The following PDE3A variants were observed in gnomAD, a reference collection of about 807,000 sequenced individuals.
PDE3A encodes cGMP-inhibited 3',5'-cyclic phosphodiesterase 3A.
In PDE3A, 43 loss-of-function variants were observed where a neutral mutation model predicts 98.3. The ratio of observed to expected loss-of-function variants is 0.44; its 90% CI spans 0.34 to 0.56. The LOEUF (loss-of-function observed/expected upper bound fraction) is 0.56, where lower values mean the gene tolerates loss of function less well. Ranked by LOEUF, PDE3A falls within the 20% of genes least tolerant of loss-of-function variation. The pLI, the probability that PDE3A is intolerant of heterozygous loss-of-function variation, is 0.01. For synonymous variants in PDE3A, 663 were observed against 567.9 expected, an observed-to-expected ratio of 1.17 and a Z score of -2.38; for missense variants, 1,427 against 1,440.7, an observed-to-expected ratio of 0.99 and a Z score of 0.15.
rs76401263 is a variant in PDE3A at position 20,511,266 on chromosome 12, T to C, written c.961-45394T>C. Among the ~76,000 whole-genome samples the C allele has an allele frequency of 6.5e-3, 994 of 152,230 alleles. 29 individuals carry two copies. The East Asian group carries it at 0.089, about 14-fold the overall frequency. On this transcript the variant is annotated intron_variant, in intron 1 of 15. Coordinates refer to ENST00000359062, the MANE Select transcript of PDE3A (RefSeq NM_000921.5). ...TGCTACACTCCAGCAGCAAGGATCA[T>C]ACCCAGCACTGAGATCGTGATTTCT...
rs1032425947 is a variant in PDE3A at position 20,673,093 on chromosome 12, G to A, written c.3185-6937G>A. Among the ~76,000 whole-genome samples, 5 of 151,470 alleles carry A rather than the reference G, an allele frequency of 3.3e-5. No individual in the cohort carries two copies. In the East Asian group the frequency reaches 9.7e-4, roughly 29 times the overall value. ...ACATTTATGCAGCCAAAAAACACAT[G>A]AAAAAATGCTCATCATCACTGGCCA... On this transcript the variant is annotated intron_variant, in intron 15 of 15. Transcript: ENST00000359062.
intron 15 of PDE3A, among the ~76,000 whole-genome samples, chr12:20,673,385 A>G (rs1318395338): frequency 1.4e-5 from 2 of 146,580 alleles, no homozygotes; most frequent in African/African-American, 5.1e-5. Flanking sequence ...ATGCTGCTAT[A>G]AAGACACATG....
At chr12:20,525,413 T>G (rs1455152879) in intron 1 of PDE3A, among the ~76,000 whole-genome samples, 6 of 149,058 alleles carry the variant, frequency 4.0e-5, no homozygotes, top group Non-Finnish European at 8.9e-5. Flanking sequence ...TTAAGAATAA[T>G]AATGTTGTTG....
chr12:20,664,908 C>T (rs531288025), intron 15 of PDE3A, among the ~76,000 whole-genome samples: 1 of 152,298 alleles, frequency 6.6e-6, no homozygotes, highest in African/African-American at 2.4e-5. Flanking sequence ...CCAACATACT[C>T]AACTGCTCAG....
intron 1 of PDE3A, among the ~76,000 whole-genome samples, chr12:20,494,113 T>G (rs1945876126): frequency 6.6e-6 from 1 of 152,194 alleles, no homozygotes; most frequent in Admixed American, 6.5e-5. Context: ...GTGAGTTTTG[T>G]GTATTTTGAG....
At chr12:20,421,915 G>T (rs982730285) in intron 1 of PDE3A, among the ~76,000 whole-genome samples, 10 of 152,198 alleles carry the variant, frequency 6.6e-5, no homozygotes, top group African/African-American at 1.9e-4. Context: ...AGGCTGTGTT[G>T]TAACTGTGTT....
At chr12:20,580,902 A>C (rs965809250) in intron 2 of PDE3A, among the ~76,000 whole-genome samples, 1 of 152,190 alleles carries the variant, frequency 6.6e-6, no homozygotes, top group Non-Finnish European at 1.5e-5. Flanking sequence ...CATTTTCAAA[A>C]CTACTGTAGC....
chr12:20,538,847 C>T (rs1293666578), intron 1 of PDE3A, among the ~76,000 whole-genome samples: 2 of 152,022 alleles, frequency 1.3e-5, no homozygotes, highest in Admixed American at 6.6e-5. Flanking sequence ...GATCCCACTA[C>T]ATTGTCCGGG....
chr12:20,569,796 A>G lies in PDE3A; in HGVS notation c.1011+13086A>G, dbSNP rs1038934481. On this transcript the variant is annotated intron_variant, in intron 2 of 15. Transcript: ENST00000359062. The stretch of plus-strand genomic sequence containing the variant: ...TTTGTTCATAAGCAAATGAAGAAAC[A>G]AAAAGTAAGATTTAAGAATCTGGAT... Among the ~76,000 whole-genome samples, 4 of 152,206 alleles carry G rather than the reference A, an allele frequency of 2.6e-5. No homozygotes were observed. The East Asian group carries it at 5.8e-4, about 22-fold the overall frequency.
intron 10 of PDE3A, 133 bp from the exon 11 acceptor site, chr12:20,646,357 C>G (rs1323381823): frequency 1.6e-6 from 1 of 606,476 alleles, no homozygotes; most frequent in African/African-American, 1.8e-5. Flanking sequence ...TAATATTTGT[C>G]CTAGAAAGTT....
At chr12:20,590,279 G>T (rs1445596879) in intron 2 of PDE3A, among the ~76,000 whole-genome samples, 1 of 151,076 alleles carries the variant, frequency 6.6e-6, no homozygotes, top group African/African-American at 2.4e-5. Context: ...GGAGATGATG[G>T]TGAAGATTAT....
rs1040756496 is a variant in PDE3A at position 20,512,424 on chromosome 12, A to G, written c.961-44236A>G. On this transcript the variant is annotated intron_variant, in intron 1 of 15. Coordinates refer to ENST00000359062, the MANE Select transcript of PDE3A (RefSeq NM_000921.5). ...ATACCAAGAGATGAAGACAAATCCGATAAGTACTATTTTGATTTGTCAAAT... is the reference window on the plus strand; with the variant it reads ...ATACCAAGAGATGAAGACAAATCCGGTAAGTACTATTTTGATTTGTCAAAT... Among the ~76,000 whole-genome samples the G allele has an allele frequency of 2.6e-4, 39 of 152,086 alleles. 1 individual carries two copies. Among genetic ancestry groups the G allele is most frequent in the Admixed American group, 2.0e-3 (30 of 15,246 alleles).
At chr12:20,632,599 T>C (rs1365107025) in intron 6 of PDE3A, among the ~76,000 whole-genome samples, 1 of 152,172 alleles carries the variant, frequency 6.6e-6, no homozygotes, top group Non-Finnish European at 1.5e-5. Context: ...GTGGGGTTAC[T>C]GTTTAATATT....
chr12:20,422,135 A>G (rs903113662), intron 1 of PDE3A, among the ~76,000 whole-genome samples: 12 of 152,278 alleles, frequency 7.9e-5, no homozygotes, highest in Non-Finnish European at 1.5e-4. Context: ...TCACTAGGTC[A>G]GGAGATCGAG....
intron 1 of PDE3A, among the ~76,000 whole-genome samples, chr12:20,390,217 A>G (rs1353395270): frequency 1.3e-5 from 2 of 151,888 alleles, no homozygotes; most frequent in African/African-American, 4.8e-5. Context: ...AGAGGGGAGC[A>G]GGATGAAGAC....
chr12:20,523,012 T>C (rs1433424717), intron 1 of PDE3A, among the ~76,000 whole-genome samples: 1 of 151,584 alleles, frequency 6.6e-6, no homozygotes. Flanking sequence ...ACCAAGGGAA[T>C]GAATGCACAT....
intron 2 of PDE3A, among the ~76,000 whole-genome samples, chr12:20,600,554 T>A (rs1943570063): frequency 6.6e-6 from 1 of 152,186 alleles, no homozygotes; most frequent in Non-Finnish European, 1.5e-5. Flanking sequence ...AAAAGGCCAT[T>A]CTTTACCTCC....
chr12:20,417,974 G>C (rs1002619134), intron 1 of PDE3A, among the ~76,000 whole-genome samples: 6 of 152,032 alleles, frequency 3.9e-5, no homozygotes, highest in African/African-American at 1.4e-4. Flanking sequence ...CAATAGATGG[G>C]AGAGCCGGGA....
At chr12:20,428,168 T>C (rs1944632002) in intron 1 of PDE3A, among the ~76,000 whole-genome samples, 1 of 152,160 alleles carries the variant, frequency 6.6e-6, no homozygotes, top group African/African-American at 2.4e-5. Flanking sequence ...ATTCTGAATG[T>C]TAAAATCCCA....
Sources: gnomAD v4.1 joint callset for allele counts (sites outside exome capture counted in the v4.1 genomes callset) on GRCh38, gnomAD v4.1.1 for gene constraint, MANE v1.5 for transcripts, NCBI Gene and HGNC (gene_info 2026-07-23, HGNC 2026-07-21) for gene names.